The following CCDC144A variants were observed in gnomAD, a reference collection of about 807,000 sequenced individuals.
CCDC144A encodes coiled-coil domain-containing protein 144A.
CCDC144A carries 41 observed loss-of-function variants against 143.8 expected under a neutral mutation model. The ratio of observed to expected loss-of-function variants is 0.29; its 90% CI spans 0.22 to 0.37. The LOEUF (loss-of-function observed/expected upper bound fraction) is 0.37. Ranked by LOEUF, CCDC144A falls within the 10% of genes least tolerant of loss-of-function variation. The probability of loss-of-function intolerance (pLI) is 1.00; values close to 1 mark genes in which losing one functional copy is unlikely to be tolerated. For synonymous variants in CCDC144A, 242 were observed against 517.9 expected (o/e 0.47, Z 7.23); for missense variants, 637 against 1,488.8 (o/e 0.43, Z 9.41).
chr17:16,687,305 C>T (rs1910816058), upstream of CCDC144A, among the ~76,000 whole-genome samples: 1 of 152,154 alleles, frequency 6.6e-6, no homozygotes, highest in African/African-American at 2.4e-5. Flanking sequence ...GTTCTCTGCA[C>T]TGAACAGGGA....
intron 15 of CCDC144A, 196 bp downstream of exon 15, chr17:16,764,371 G>C: frequency 7.7e-7 from 1 of 1,299,114 alleles, no homozygotes; most frequent in Non-Finnish European, 1.0e-6. Context: ...TTACTCCTTT[G>C]TTAACTTTAT....
chr17:16,767,294 C>CAAAAAAAAAAAA (rs765969718), intron 15 of CCDC144A: 1 of 95,378 alleles, frequency 1.0e-5, no homozygotes. Flanking sequence ...GACTCCATCT[C>CAAAAAAAAAAAA]AAAAAAAAAA....
At chr17:16,695,109 A>G (rs1200302587) in intron 2 of CCDC144A, among the ~76,000 whole-genome samples, 2 of 152,252 alleles carry the variant, frequency 1.3e-5, no homozygotes, top group African/African-American at 4.8e-5. Flanking sequence ...CAAACATGAA[A>G]TAGACATAGT....
chr17:16,766,117 T>A (rs74631904), intron 15 of CCDC144A: 6,285 of 151,992 alleles, frequency 0.041, 95 homozygotes, highest in Admixed American at 0.072. Context: ...ATTGGTTCAC[T>A]CTGGAAAGGC....
rs560185048 is a variant in CCDC144A at position 16,776,422 on chromosome 17, T to C, written c.*2789T>C. 1.3e-4 allele frequency: 20 copies of C among 152,342 alleles called. No homozygotes were observed. The highest frequency in any genetic ancestry group is 3.4e-3 in the Middle Eastern group (1 of 294). The allele number at this position is 152,342 out of a possible 1,614,324, so 9.4% of individuals were successfully genotyped here. ...TCCTTGAAAAGGTCCTTCACTTTTC[T>C]TGTTAGCTGTATTCCTAGGTATTAT... On this transcript the variant is annotated 3_prime_UTR_variant, in exon 17 of 17. Coordinates refer to ENST00000399273, the MANE Select transcript of CCDC144A (RefSeq NM_001382000.1).
chr17:16,681,350 T>C, the CCDC144A span, among the ~76,000 whole-genome samples: 1 of 152,078 alleles, frequency 6.6e-6, no homozygotes, highest in Non-Finnish European at 1.5e-5. Context: ...CCAATCTATT[T>C]TCTTGATTTT....
upstream of CCDC144A, among the ~76,000 whole-genome samples, chr17:16,688,316 A>C (rs1041874175): frequency 1.3e-5 from 2 of 151,850 alleles, no homozygotes; most frequent in African/African-American, 4.8e-5. Flanking sequence ...GCTTACGTGA[A>C]GATCACCCTT....
chr17:16,757,282 C>T (rs1172483038), intron 12 of CCDC144A, among the ~76,000 whole-genome samples: 1 of 152,240 alleles, frequency 6.6e-6, no homozygotes, highest in Non-Finnish European at 1.5e-5. Context: ...TTTCTCTGGC[C>T]CCCTATGAGG....
At chr17:16,713,593 T>G (rs878911441) in intron 6 of CCDC144A, among the ~76,000 whole-genome samples, 25 of 152,312 alleles carry the variant, frequency 1.6e-4, no homozygotes, top group Non-Finnish European at 2.5e-4. Flanking sequence ...TCCTGAAACT[T>G]TTAGTCTTCC....
chr17:16,700,410 G>A (rs567459733), intron 2 of CCDC144A, among the ~76,000 whole-genome samples: 55 of 152,218 alleles, frequency 3.6e-4, no homozygotes, highest in African/African-American at 1.3e-3. Context: ...ACTCCCAGGA[G>A]GAAATTAATT....
chr17:16,680,635 G>A, the CCDC144A span, among the ~76,000 whole-genome samples: 1 of 135,626 alleles, frequency 7.4e-6, no homozygotes, highest in Admixed American at 7.9e-5. Flanking sequence ...AAGGAAGGAA[G>A]AAAGGGAGGG....
At chr17:16,697,070 G>A (rs942161499) in intron 2 of CCDC144A, among the ~76,000 whole-genome samples, 6 of 151,822 alleles carry the variant, frequency 4.0e-5, no homozygotes, top group Non-Finnish European at 7.4e-5. Context: ...TTCTTCTTTT[G>A]GAGTGGGGAG....
chr17:16,773,085 T>C (rs1487962531), intron 16 of CCDC144A, among the ~76,000 whole-genome samples: 1 of 152,134 alleles, frequency 6.6e-6, no homozygotes, highest in Non-Finnish European at 1.5e-5. Flanking sequence ...CTTTTCATTC[T>C]TGTTAACACT....
intron 12 of CCDC144A, among the ~76,000 whole-genome samples, chr17:16,756,129 A>T (rs1915073148): frequency 6.6e-6 from 1 of 152,210 alleles, no homozygotes. Context: ...AGACATCTGT[A>T]TCCAGATGTT....
At chr17:16,692,326 G>A (rs1911137398) in intron 1 of CCDC144A, among the ~76,000 whole-genome samples, 2 of 150,868 alleles carry the variant, frequency 1.3e-5, no homozygotes, top group African/African-American at 4.9e-5. Flanking sequence ...GGACAGTGTT[G>A]TTATCTAGTT....
intron 2 of CCDC144A, among the ~76,000 whole-genome samples, chr17:16,699,494 G>C (rs1911603991): frequency 1.7e-5 from 1 of 59,942 alleles, no homozygotes; most frequent in Non-Finnish European, 3.1e-5. Context: ...TCCTGCCTCA[G>C]CCTCCTGAGT....
intron 6 of CCDC144A, among the ~76,000 whole-genome samples, 171 bp from the exon 7 acceptor site, chr17:16,720,027 A>G (rs2656466): frequency 2.6e-5 from 4 of 152,130 alleles, no homozygotes; most frequent in East Asian, 1.9e-4. Flanking sequence ...TTTAATGTCC[A>G]TTGTAGAAAA....
In CCDC144A at chr17:16,708,787, C is replaced by T. The variant is rs773803369; in HGVS notation, c.739-9C>T. The T allele has an allele frequency of 6.2e-6, 10 of 1,611,494 alleles. No homozygotes were observed. Among genetic ancestry groups the T allele is most frequent in the South Asian group, 2.2e-5 (2 of 90,864 alleles). On this transcript the variant is annotated splice_polypyrimidine_tract_variant and intron_variant, in intron 4 of 16. Transcript: ENST00000399273. ...CAAGCAAATTAATCTTCCACTTTTG[C>T]ATCTGCAGAAAACGTCTCAAGAACC...
the CCDC144A span, among the ~76,000 whole-genome samples, chr17:16,679,920 A>C: frequency 1.3e-5 from 2 of 152,110 alleles, 1 homozygote; most frequent in Non-Finnish European, 2.9e-5. Flanking sequence ...AAGTAATCAC[A>C]TTTCTTTTAA....
Sources: gnomAD v4.1 joint callset for allele counts (sites outside exome capture counted in the v4.1 genomes callset) on GRCh38, gnomAD v4.1.1 for gene constraint, MANE v1.5 for transcripts, NCBI Gene and HGNC (gene_info 2026-07-23, HGNC 2026-07-21) for gene names.